The following CFAP61 variants were observed in gnomAD, a reference collection of about 807,000 sequenced individuals.
CFAP61 encodes cilia and flagella associated protein 61.
Under a neutral mutation model 135.6 loss-of-function variants are expected in CFAP61, and 107 were observed. That is an observed-to-expected ratio of 0.79 (90% CI 0.67 to 0.93). The LOEUF is 0.93. Ranked by LOEUF, CFAP61 falls within the 40% of genes least tolerant of loss-of-function variation. CFAP61 has a pLI of 0.00. For synonymous variants in CFAP61, 575 were observed against 578.5 expected, an observed-to-expected ratio of 0.99 and a Z score of 0.09; for missense variants, 1,507 against 1,556.2, an observed-to-expected ratio of 0.97 and a Z score of 0.53.
intron 8 of CFAP61, among the ~76,000 whole-genome samples, chr20:20,099,185 C>G (rs545671899): frequency 2.6e-5 from 4 of 151,606 alleles, no homozygotes; most frequent in Non-Finnish European, 5.9e-5. Context: ...TTTTTCAAAT[C>G]AAGAACTCAG....
At position 20,270,158 on chromosome 20, in the gene CFAP61, A is replaced by G. The variant is rs182145475; in HGVS notation, c.2504-7008A>G. On this transcript the variant is annotated intron_variant, in intron 21 of 26. Transcript: ENST00000245957. ...TTCTTGTTTCTCTGGCCTTAAAAATATAATAACTATGAAGAAAACTTCATG... is the reference window on the plus strand; with the variant it reads ...TTCTTGTTTCTCTGGCCTTAAAAATGTAATAACTATGAAGAAAACTTCATG... Among the ~76,000 whole-genome samples, 11 of 152,342 alleles carry G rather than the reference A, an allele frequency of 7.2e-5. No individual in the cohort carries two copies. The East Asian group carries it at 2.1e-3, about 29-fold the overall frequency.
rs769264491 is a variant in CFAP61, at chr20:20,055,912, CAAT to C, written c.-36-705_-36-703del. The C allele has an allele frequency of 5.4e-6, 8 of 1,485,054 alleles. No homozygotes were observed. The South Asian group carries it at 9.1e-5, about 17-fold the overall frequency. The allele number at this position is 1,485,054 out of a possible 1,614,324, so 92.0% of individuals were successfully genotyped here. On this transcript the variant is annotated intron_variant, in intron 1 of 26. Transcript: ENST00000245957. The stretch of plus-strand genomic sequence containing the variant: ...GAAGAGAGACTTACAGAAATTGAGA[CAAT>C]GAGAGAGAAATTGAAATCATTTTGT...
At chr20:20,240,432 CCTCCACCCCTG>C (rs1175472922) in intron 18 of CFAP61, among the ~76,000 whole-genome samples, 3 of 152,140 alleles carry the variant, frequency 2.0e-5, no homozygotes, top group Non-Finnish European at 4.4e-5. Context: ...CTCAGTGTTT[CCTCCACCCCTG>C]CTCCTTTAGG....
chr20:20,069,587 T>G (rs2045562251), intron 2 of CFAP61, among the ~76,000 whole-genome samples: 1 of 152,184 alleles, frequency 6.6e-6, no homozygotes, highest in Non-Finnish European at 1.5e-5. Context: ...CAGATTCTAG[T>G]TTTAAAAACA....
chr20:20,301,394 G>A (rs2056085605), intron 25 of CFAP61, among the ~76,000 whole-genome samples: 1 of 152,168 alleles, frequency 6.6e-6, no homozygotes, highest in Non-Finnish European at 1.5e-5. Context: ...GTTTGTGTAA[G>A]TGCACTCTAG....
intron 8 of CFAP61, among the ~76,000 whole-genome samples, chr20:20,104,253 T>A (rs996155138): frequency 2.0e-5 from 3 of 152,184 alleles, no homozygotes; most frequent in Non-Finnish European, 4.4e-5. Context: ...CCTTTAACTT[T>A]TTTTTTTTAA....
At chr20:20,191,025 G>A (rs926758598) in intron 14 of CFAP61, among the ~76,000 whole-genome samples, 3 of 152,062 alleles carry the variant, frequency 2.0e-5, no homozygotes, top group South Asian at 2.1e-4. Flanking sequence ...AGGCTGAGGC[G>A]CAAGAATTCC....
intron 26 of CFAP61, among the ~76,000 whole-genome samples, chr20:20,357,143 AGTGGTCACACTGAGGGGAG>A (rs1602186414): frequency 5.0e-5 from 4 of 79,310 alleles, no homozygotes; most frequent in African/African-American, 1.5e-4. Context: ...ACTGAGGGGA[AGTGGTCACACTGAGGGGAG>A]GTGGTCACAC....
intron 18 of CFAP61, among the ~76,000 whole-genome samples, chr20:20,245,216 C>T (rs908556707): frequency 6.6e-6 from 1 of 152,218 alleles, no homozygotes. Flanking sequence ...TTCAGCAGCG[C>T]CCCACTCTAC....
chr20:20,196,786 T>C lies in CFAP61; in HGVS notation c.1797+10T>C. 6.2e-7 allele frequency: 1 copy of C among 1,610,620 alleles called. No individual in the cohort carries two copies. On this transcript the variant is annotated intron_variant, in intron 16 of 26. Transcript: ENST00000245957. Reference sequence around the variant, plus strand: ...ATCCAGAGAAGGCAAGGTAAGAGAATGGTGCAATTCACTTTCCCAGCAGGT... The same window carrying C: ...ATCCAGAGAAGGCAAGGTAAGAGAACGGTGCAATTCACTTTCCCAGCAGGT...
At chr20:20,296,456 G>GCCTT (rs1303117353) in intron 24 of CFAP61, among the ~76,000 whole-genome samples, 153 of 84,626 alleles carry the variant, frequency 1.8e-3, no homozygotes, top group Admixed American at 4.7e-3. Flanking sequence ...CCTCCTTCCT[G>GCCTT]CCTTCCTTCC....
intron 17 of CFAP61, among the ~76,000 whole-genome samples, chr20:20,211,669 CTG>C (rs2047650820): frequency 6.6e-6 from 1 of 152,210 alleles, no homozygotes; most frequent in African/African-American, 2.4e-5. Context: ...AAATTACAGA[CTG>C]TGCCACATTC....
At chr20:20,260,289 T>C (rs2052053776) in intron 20 of CFAP61, among the ~76,000 whole-genome samples, 1 of 152,242 alleles carries the variant, frequency 6.6e-6, no homozygotes, top group Non-Finnish European at 1.5e-5. Flanking sequence ...TTTCTTGTAC[T>C]GGCTTCTTCT....
chr20:20,223,796 A>T (rs1304847267), intron 17 of CFAP61, among the ~76,000 whole-genome samples: 1 of 152,210 alleles, frequency 6.6e-6, no homozygotes, highest in Non-Finnish European at 1.5e-5. Flanking sequence ...AGTTCTCTTG[A>T]CAAATGTATC....
At chr20:20,187,653 G>A (rs6081914) in intron 13 of CFAP61, among the ~76,000 whole-genome samples, 2 of 152,062 alleles carry the variant, frequency 1.3e-5, no homozygotes, top group Admixed American at 6.6e-5. Context: ...ATAAATCATA[G>A]TGCTATTTTA....
chr20:20,292,758 A>G (rs1180565496), intron 24 of CFAP61, among the ~76,000 whole-genome samples: 1 of 152,118 alleles, frequency 6.6e-6, no homozygotes, highest in Non-Finnish European at 1.5e-5. Context: ...GAGTAGCCAG[A>G]CTGCTCACGC....
intron 18 of CFAP61, among the ~76,000 whole-genome samples, chr20:20,231,176 C>T (rs1371166545): frequency 2.0e-5 from 3 of 152,166 alleles, no homozygotes; most frequent in African/African-American, 7.2e-5. Context: ...AGGATGTAAG[C>T]TCCATGTGAT....
At chr20:20,130,855 A>T (rs1181223145) in intron 8 of CFAP61, among the ~76,000 whole-genome samples, 1 of 151,836 alleles carries the variant, frequency 6.6e-6, no homozygotes, top group Non-Finnish European at 1.5e-5. Context: ...TCCATGGCTG[A>T]GGATGATAGT....
At chr20:20,141,050 C>G (rs570103074) in intron 8 of CFAP61, among the ~76,000 whole-genome samples, 2 of 152,042 alleles carry the variant, frequency 1.3e-5, no homozygotes, top group Admixed American at 6.5e-5. Context: ...TCCTGAGTAG[C>G]TGGGATTACA....
Sources: allele counts gnomAD v4.1 joint callset (sites outside exome capture counted in the v4.1 genomes callset), GRCh38; gene constraint gnomAD v4.1.1; transcripts MANE v1.5; gene names NCBI Gene and HGNC (gene_info 2026-07-23, HGNC 2026-07-21).